The following ABHD17B variants were observed in gnomAD, a reference collection of about 807,000 sequenced individuals.
ABHD17B encodes the protein abhydrolase domain containing 17B, depalmitoylase.
ABHD17B carries 9 observed loss-of-function variants against 26.2 expected under a neutral mutation model. The observed-to-expected ratio is 0.34, with a 90% CI of 0.21 to 0.60. The LOEUF (loss-of-function observed/expected upper bound fraction) is 0.60, where lower values mean the gene tolerates loss of function less well. Ranked by LOEUF, ABHD17B falls within the 20% of genes least tolerant of loss-of-function variation. The pLI is 0.80. For synonymous variants in ABHD17B, 127 were observed against 122.3 expected (o/e 1.04, Z -0.25); for missense variants, 224 against 352.1 (o/e 0.64, Z 2.91).
chr9:71,886,873 T>C (rs944281958), intron 1 of ABHD17B, among the ~76,000 whole-genome samples: 2 of 152,148 alleles, frequency 1.3e-5, no homozygotes, highest in African/African-American at 4.8e-5. Flanking sequence ...AGAAAAAATT[T>C]AAAAATATTA....
chr9:71,866,561 T>A lies in ABHD17B; in HGVS notation c.*226A>T, dbSNP rs986363639. 3 of 1,337,454 alleles carry A rather than the reference T, an allele frequency of 2.2e-6. No individual in the cohort carries two copies. The African/African-American group carries it at 4.4e-5, about 20-fold the overall frequency. The allele number at this position is 1,337,454 out of a possible 1,614,324, so 82.8% of individuals were successfully genotyped here. A position where few individuals can be genotyped will look rare whatever the true frequency, so the allele number is the denominator to read the frequency against. ...ACTCATCTTGATGTTAAAAAAAAAT[T>A]CACAGAAAAAATATAAATTACACAG... is the stretch of plus-strand genomic sequence containing the variant. On this transcript the variant is annotated 3_prime_UTR_variant, in exon 4 of 4. Coordinates refer to ENST00000333421, the MANE Select transcript of ABHD17B (RefSeq NM_001025780.3).
intron 1 of ABHD17B, among the ~76,000 whole-genome samples, chr9:71,905,756 G>A (rs1827262638): frequency 6.6e-6 from 1 of 152,156 alleles, no homozygotes; most frequent in Admixed American, 6.5e-5. Flanking sequence ...TGGGCGCAGT[G>A]GCTCACACCT....
intron 1 of ABHD17B, among the ~76,000 whole-genome samples, chr9:71,883,350 G>T (rs779154854): frequency 6.6e-6 from 1 of 152,124 alleles, no homozygotes; most frequent in South Asian, 2.1e-4. Flanking sequence ...AGTGGTGCTG[G>T]TACAGAAACA....
At position 71,866,240 on chromosome 9, in the gene ABHD17B, A is replaced by C. The variant is rs565029156; in HGVS notation, c.*547T>G. On this transcript the variant is annotated 3_prime_UTR_variant, in exon 4 of 4. Coordinates refer to ENST00000333421, the MANE Select transcript of ABHD17B (RefSeq NM_001025780.3). The stretch of plus-strand genomic sequence containing the variant: ...AATGTATGTAATCAGAGTATACAGA[A>C]AATTCAATGTATTTTACAATAAAAT... 9 of 982,760 alleles carry C rather than the reference A, an allele frequency of 9.2e-6. No homozygotes were observed. In the South Asian group the frequency reaches 3.3e-4, roughly 36 times the overall value. 60.9% of individuals were successfully genotyped at this position (982,760 alleles called of 1,614,324 possible).
At chr9:71,884,538 G>C (rs1055009365) in intron 1 of ABHD17B, among the ~76,000 whole-genome samples, 1 of 150,358 alleles carries the variant, frequency 6.7e-6, no homozygotes, top group Non-Finnish European at 1.5e-5. Context: ...ATGCAAAACA[G>C]ACATAAACAT....
At position 71,867,021 on chromosome 9, in the gene ABHD17B, G is replaced by A; in HGVS notation, c.648-15C>T. The stretch of plus-strand genomic sequence containing the variant: ...TTTTGTCAATGCTGCAGGGAAAAAG[G>A]AAGGGGGAAAAATGCAATAAATTAA... On this transcript the variant is annotated splice_polypyrimidine_tract_variant and intron_variant, in intron 3 of 3. Transcript: ENST00000333421. 3 of 1,612,418 alleles carry A rather than the reference G, an allele frequency of 1.9e-6. No individual in the cohort carries two copies. Among genetic ancestry groups the A allele is most frequent in the Non-Finnish European group, 2.5e-6 (3 of 1,179,574 alleles).
chr9:71,907,312 G>A (rs1827314221), intron 1 of ABHD17B, among the ~76,000 whole-genome samples: 1 of 151,968 alleles, frequency 6.6e-6, no homozygotes, highest in South Asian at 2.1e-4. Context: ...GCTAAATAAA[G>A]ATATCTGTAT....
At chr9:71,878,256 C>T (rs1826337989) in intron 1 of ABHD17B, among the ~76,000 whole-genome samples, 1 of 151,910 alleles carries the variant, frequency 6.6e-6, no homozygotes, top group African/African-American at 2.4e-5. Flanking sequence ...AGTTGAAAAA[C>T]ACATCAGTGA....
At position 71,874,769 on chromosome 9, in the gene ABHD17B, A is replaced by C. The variant is rs755864221; in HGVS notation, c.312T>G (p.Leu104=). 1.5e-5 allele frequency: 24 copies of C among 1,614,124 alleles called. No individual in the cohort carries two copies. Among genetic ancestry groups the C allele is most frequent in the Non-Finnish European group, 1.9e-5 (22 of 1,180,046 alleles). Residue 104 remains leucine, a synonymous_variant, in exon 2 of 4, where the codon CTT becomes CTG. Transcript: ENST00000333421. ...CTATGTAAAAGCTGCTCATTTGACC[A>C]AGATCAACAGCATTTCCATGTGAGA... ...LLFSHGNAVD[L]GQMSSFYIGL...
intron 1 of ABHD17B, among the ~76,000 whole-genome samples, chr9:71,891,439 G>C (rs1826780270): frequency 6.6e-6 from 1 of 151,980 alleles, no homozygotes; most frequent in African/African-American, 2.4e-5. Flanking sequence ...TCCTTTTTAG[G>C]AATCCTAGGA....
At chr9:71,907,731 T>G (rs1449618968) in intron 1 of ABHD17B, among the ~76,000 whole-genome samples, 1 of 152,096 alleles carries the variant, frequency 6.6e-6, no homozygotes, top group Non-Finnish European at 1.5e-5. Flanking sequence ...GGCTGGTCTC[T>G]AACTCCCGAC....
intron 1 of ABHD17B, among the ~76,000 whole-genome samples, chr9:71,900,882 G>A (rs1418078077): frequency 6.6e-6 from 1 of 152,058 alleles, no homozygotes; most frequent in Non-Finnish European, 1.5e-5. Flanking sequence ...GGGTGCAGTG[G>A]CTCACGCCTG....
intron 1 of ABHD17B, among the ~76,000 whole-genome samples, chr9:71,898,309 A>C (rs1827019639): frequency 6.6e-6 from 1 of 151,994 alleles, no homozygotes; most frequent in South Asian, 2.1e-4. Flanking sequence ...GAAAGAAGAA[A>C]AGCATAGGGT....
At chr9:71,894,928 C>T (rs1826910716) in intron 1 of ABHD17B, among the ~76,000 whole-genome samples, 1 of 152,136 alleles carries the variant, frequency 6.6e-6, no homozygotes, top group South Asian at 2.1e-4. Context: ...TAGTTTTGAA[C>T]CATATAACAT....
chr9:71,875,156 A>T, intron 1 of ABHD17B, 73 bp from the exon 2 acceptor site: 4 of 1,160,104 alleles, frequency 3.4e-6, no homozygotes, highest in Non-Finnish European at 4.9e-6. Flanking sequence ...GTTAAAACAC[A>T]GACATGGGTA....
intron 1 of ABHD17B, among the ~76,000 whole-genome samples, chr9:71,877,963 T>C (rs1464193835): frequency 6.6e-6 from 1 of 152,182 alleles, no homozygotes; most frequent in African/African-American, 2.4e-5. Flanking sequence ...AACTTGCAAA[T>C]GATCACTTTC....
At position 71,865,239 on chromosome 9, in the gene ABHD17B, A is replaced by G; in HGVS notation, c.*1548T>C. ...CTTGATATACTTTGAAGAGAGTCAT[A>G]TACTATAGTCTTAAACATAACCACG... On this transcript the variant is annotated 3_prime_UTR_variant, in exon 4 of 4. Coordinates refer to ENST00000333421, the MANE Select transcript of ABHD17B (RefSeq NM_001025780.3). 1.0e-6 allele frequency: 1 copy of G among 985,700 alleles called. No homozygotes were observed. The highest frequency in any genetic ancestry group is 1.2e-6 in the Non-Finnish European group (1 of 829,854). 61.1% of individuals were successfully genotyped at this position (985,700 alleles called of 1,614,324 possible).
chr9:71,891,206 A>G (rs1445228807), intron 1 of ABHD17B, among the ~76,000 whole-genome samples: 1 of 152,170 alleles, frequency 6.6e-6, no homozygotes, highest in Non-Finnish European at 1.5e-5. Context: ...GTGTCTACCA[A>G]TCTGATTTTT....
At chr9:71,903,849 G>C (rs1827211043) in intron 1 of ABHD17B, among the ~76,000 whole-genome samples, 1 of 152,122 alleles carries the variant, frequency 6.6e-6, no homozygotes, top group African/African-American at 2.4e-5. Context: ...AGAACAAGTG[G>C]GGGGCGGGAA....
Sources: allele counts gnomAD v4.1 joint callset (sites outside exome capture counted in the v4.1 genomes callset), GRCh38; gene constraint gnomAD v4.1.1; transcripts MANE v1.5; gene names NCBI Gene and HGNC (gene_info 2026-07-23, HGNC 2026-07-21).